SPATA17: variants seen among roughly 807,000 people sequenced by gnomAD.
SPATA17 encodes spermatogenesis associated 17, also known as spermatogenesis-associated protein 17.
A neutral mutation model predicts 62.2 loss-of-function variants in SPATA17; 53 were observed. That is an observed-to-expected ratio of 0.85 (90% CI 0.68 to 1.07). The LOEUF (loss-of-function observed/expected upper bound fraction) is 1.07, where lower values mean the gene tolerates loss of function less well. Ranked by LOEUF, SPATA17 falls within the 50% of genes least tolerant of loss-of-function variation. The pLI is 0.00. For missense variants in SPATA17, 466 were observed against 425.5 expected, an observed-to-expected ratio of 1.10 and a Z score of -0.84; for synonymous variants, 146 against 146.8, an observed-to-expected ratio of 0.99 and a Z score of 0.04.
Position 217,648,935 on chromosome 1 carries a change from G to C in SPATA17, c.122G>C (p.Ser41Thr), listed in dbSNP as rs1670247645. The C allele has an allele frequency of 6.2e-7, 1 of 1,610,428 alleles. No individual in the cohort carries two copies. The highest frequency in any genetic ancestry group is 8.5e-7 in the Non-Finnish European group (1 of 1,178,456). The change falls in exon 2 of 11, where the codon AGC becomes ACC. Residue 41 changes from serine (S) to threonine (T), a missense_variant. Coordinates refer to ENST00000366933, the MANE Select transcript of SPATA17 (RefSeq NM_138796.4). ...KENDAAVKIQ[S>T]WFRGCQVRAY... ...AATGATGCAGCAGTTAAAATCCAAA[G>C]CTGGTTTCGAGGATGTCAAGTTCGG...
chr1:217,643,664 G>T (rs1204061619), intron 1 of SPATA17, among the ~76,000 whole-genome samples: 2 of 151,872 alleles, frequency 1.3e-5, no homozygotes, highest in East Asian at 1.9e-4. Context: ...TTCAGGAAAT[G>T]AGGTAAAGAG....
At chr1:217,859,494 A>G (rs975991080) in intron 9 of SPATA17, among the ~76,000 whole-genome samples, 3 of 152,004 alleles carry the variant, frequency 2.0e-5, no homozygotes, top group Admixed American at 6.6e-5. Flanking sequence ...TGCAACCTCA[A>G]ACTCCCAGAC....
chr1:217,659,497 A>G (rs1029186236), intron 3 of SPATA17, among the ~76,000 whole-genome samples: 2 of 152,102 alleles, frequency 1.3e-5, no homozygotes, highest in African/African-American at 4.8e-5. Flanking sequence ...TAGTTTTTAC[A>G]ATCATTGTCT....
At position 217,782,282 on chromosome 1, in the gene SPATA17, C is replaced by G. The variant is rs1483770341; in HGVS notation, c.832C>G (p.Leu278Val). Residue 278 changes from leucine to valine, a missense_variant, in exon 8 of 11, where the codon CTC (leucine) becomes GTC (valine). Physicochemically the swap from Leu to Val is conservative, Grantham distance 32. Coordinates refer to ENST00000366933, the MANE Select transcript of SPATA17 (RefSeq NM_138796.4). ...TGAGTTAAAGTTGGCCAGAGAGGAG[C>G]TCAGAAGAGAGGAATGGCTGCAAAA... ...IDELKLAREELRREEWLQNVN... is the reference protein window; with the variant it reads ...IDELKLAREEVRREEWLQNVN... 2 of 1,611,266 alleles carry G rather than the reference C, an allele frequency of 1.2e-6. No homozygotes were observed. Among genetic ancestry groups the G allele is most frequent in the Non-Finnish European group, 1.7e-6 (2 of 1,178,572 alleles).
chr1:217,774,393 A>G lies in SPATA17; in HGVS notation c.579A>G (p.Leu193=), dbSNP rs1673537638. Residue 193 remains leucine (L), a synonymous_variant, in exon 7 of 11, where the codon TTA becomes TTG. Transcript: ENST00000366933. ...RKEPDPWELQ[L]QKAKPLTHRR... ...AGCCTGATCCATGGGAGCTGCAATTACAGAAGGCAAAGCCTTTAACACACC... is the reference window on the plus strand; with the variant it reads ...AGCCTGATCCATGGGAGCTGCAATTGCAGAAGGCAAAGCCTTTAACACACC... 15 of 1,614,120 alleles carry G rather than the reference A, an allele frequency of 9.3e-6. No individual in the cohort carries two copies. In the East Asian group the frequency reaches 3.3e-4, roughly 36 times the overall value.
chr1:217,800,623 A>G (rs1479151893), intron 8 of SPATA17, among the ~76,000 whole-genome samples: 2 of 152,188 alleles, frequency 1.3e-5, no homozygotes. Flanking sequence ...ACTTTCTGCA[A>G]TAACTGTAGA....
At chr1:217,755,935 C>T (rs1673030953) in intron 6 of SPATA17, among the ~76,000 whole-genome samples, 1 of 151,836 alleles carries the variant, frequency 6.6e-6, no homozygotes, top group Non-Finnish European at 1.5e-5. Flanking sequence ...GTTTTCCTTG[C>T]TTTTTCAAGG....
At chr1:217,655,201 A>G (rs1439671677) in intron 3 of SPATA17, among the ~76,000 whole-genome samples, 3 of 152,154 alleles carry the variant, frequency 2.0e-5, no homozygotes, top group Middle Eastern at 3.2e-3. Context: ...AGTCACCTTT[A>G]ATCTAGAATA....
intron 4 of SPATA17, among the ~76,000 whole-genome samples, chr1:217,677,618 G>A (rs766889188): frequency 7.9e-5 from 12 of 152,016 alleles, no homozygotes; most frequent in Non-Finnish European, 1.5e-4. Flanking sequence ...AAAAGAAGGG[G>A]CCATCTGGAC....
chr1:217,762,719 C>A (rs1449114263), intron 6 of SPATA17, among the ~76,000 whole-genome samples: 1 of 152,188 alleles, frequency 6.6e-6, no homozygotes, highest in Non-Finnish European at 1.5e-5. Context: ...CGCCCGTAAT[C>A]CCAACACTTT....
intron 8 of SPATA17, among the ~76,000 whole-genome samples, chr1:217,786,917 T>A (rs1673886469): frequency 6.6e-6 from 1 of 151,972 alleles, no homozygotes; most frequent in African/African-American, 2.4e-5. Context: ...ATCCTACATT[T>A]CAGGTTTACA....
intron 9 of SPATA17, among the ~76,000 whole-genome samples, chr1:217,838,821 T>C (rs1675321381): frequency 6.6e-6 from 1 of 152,074 alleles, no homozygotes; most frequent in African/African-American, 2.4e-5. Flanking sequence ...GCTTTCTAGG[T>C]TGGTTCAAAC....
rs1249329430 is a variant in SPATA17 at position 217,871,246 on chromosome 1, T to G, written c.*4227T>G. ...TTGTGGTTGTCAACTCAAGATTGTA[T>G]TCTCATCTGGGGACATTATGAATCT... On this transcript the variant is annotated 3_prime_UTR_variant, in exon 11 of 11. Transcript: ENST00000366933. 1.3e-5 allele frequency: 2 copies of G among 152,182 alleles called. No individual in the cohort carries two copies. The highest frequency in any genetic ancestry group is 4.8e-5 in the African/African-American group (2 of 41,456). The allele number at this position is 152,182 out of a possible 1,614,324, so 9.4% of individuals were successfully genotyped here. A position where few individuals can be genotyped will look rare whatever the true frequency, so the allele number is the denominator to read the frequency against.
intron 4 of SPATA17, among the ~76,000 whole-genome samples, chr1:217,677,444 ACCC>A (rs1431886315): frequency 6.6e-6 from 1 of 151,986 alleles, no homozygotes; most frequent in East Asian, 1.9e-4. Context: ...TAGAATAATG[ACCC>A]CGAGATTACA....
intron 6 of SPATA17, among the ~76,000 whole-genome samples, chr1:217,753,205 CA>C (rs1432984792): frequency 6.6e-6 from 1 of 152,204 alleles, no homozygotes; most frequent in Non-Finnish European, 1.5e-5. Flanking sequence ...CCTATGAAAG[CA>C]AGGGGCCCCA....
At chr1:217,733,126 A>G (rs1672435131) in intron 5 of SPATA17, among the ~76,000 whole-genome samples, 2 of 152,166 alleles carry the variant, frequency 1.3e-5, no homozygotes, top group African/African-American at 4.8e-5. Flanking sequence ...CCTTTGTATG[A>G]TCATACTAAA....
intron 6 of SPATA17, among the ~76,000 whole-genome samples, chr1:217,762,375 A>G (rs1029787152): frequency 6.6e-6 from 1 of 152,066 alleles, no homozygotes; most frequent in Non-Finnish European, 1.5e-5. Flanking sequence ...TCCTCTTTCT[A>G]CCTTCTCTGA....
At chr1:217,863,317 G>A (rs907068330) in intron 10 of SPATA17, among the ~76,000 whole-genome samples, 1 of 151,834 alleles carries the variant, frequency 6.6e-6, no homozygotes, top group African/African-American at 2.4e-5. Context: ...TTTTAGTAGA[G>A]ATGAGGTTTC....
At chr1:217,638,128 G>T (rs530061097) in intron 1 of SPATA17, among the ~76,000 whole-genome samples, 37 of 151,822 alleles carry the variant, frequency 2.4e-4, no homozygotes, top group Non-Finnish European at 5.2e-4. Flanking sequence ...AAATTTTTTG[G>T]CTATTCCTAA....
Sources: gnomAD v4.1 joint callset for allele counts (sites outside exome capture counted in the v4.1 genomes callset) on GRCh38, gnomAD v4.1.1 for gene constraint, MANE v1.5 for transcripts, NCBI Gene and HGNC (gene_info 2026-07-23, HGNC 2026-07-21) for gene names.